Variants in NCKAP5 observed in about 807,000 individuals in gnomAD.
NCKAP5 encodes nck-associated protein 5.
Under a neutral mutation model 167.0 loss-of-function variants are expected in NCKAP5, and 92 were observed. The observed-to-expected ratio is 0.55, with a 90% CI of 0.47 to 0.66. NCKAP5 has a LOEUF of 0.66. Ranked by LOEUF, NCKAP5 falls within the 30% of genes least tolerant of loss-of-function variation. The pLI, the probability that NCKAP5 is intolerant of heterozygous loss-of-function variation, is 0.00. For missense variants in NCKAP5, 2,378 were observed against 2,315.0 expected (o/e 1.03, Z -0.56); for synonymous variants, 891 against 877.4 (o/e 1.02, Z -0.27).
chr2:132,795,430 T>C (rs1263555988), intron 12 of NCKAP5, among the ~76,000 whole-genome samples: 1 of 152,244 alleles, frequency 6.6e-6, no homozygotes, highest in Non-Finnish European at 1.5e-5. Context: ...TTCCTCATTG[T>C]TTATTTTAGA....
Position 132,874,743 on chromosome 2 carries a change from G to A in NCKAP5, c.648+4105C>T, listed in dbSNP as rs182940790. Among the ~76,000 whole-genome samples the A allele has an allele frequency of 3.5e-3, 535 of 152,152 alleles. 3 individuals carry two copies. Among genetic ancestry groups the A allele is most frequent in the African/African-American group, 0.012 (509 of 41,496 alleles). On this transcript the variant is annotated intron_variant, in intron 9 of 19. Coordinates refer to ENST00000409261, the MANE Select transcript of NCKAP5 (RefSeq NM_207363.3). ...AACTTTTCGTGCAGAAGCTCCTCCTGGAATGTTTGTGAAAATTGCCAATTT... is the reference window on the plus strand; with the variant it reads ...AACTTTTCGTGCAGAAGCTCCTCCTAGAATGTTTGTGAAAATTGCCAATTT...
intron 6 of NCKAP5, among the ~76,000 whole-genome samples, chr2:133,112,017 G>C (rs1337186084): frequency 6.6e-6 from 1 of 152,180 alleles, no homozygotes; most frequent in Non-Finnish European, 1.5e-5. Context: ...AAATCCAGCT[G>C]GGAGACAGAA....
At chr2:132,955,296 T>C (rs2076305761) in intron 8 of NCKAP5, among the ~76,000 whole-genome samples, 2 of 152,292 alleles carry the variant, frequency 1.3e-5, no homozygotes, top group Middle Eastern at 3.4e-3. Context: ...ATGAAGCCAC[T>C]GAAGAGCACT....
chr2:133,035,510 T>A (rs1203566461), intron 6 of NCKAP5, among the ~76,000 whole-genome samples: 3 of 151,990 alleles, frequency 2.0e-5, no homozygotes, highest in Non-Finnish European at 2.9e-5. Context: ...ATATGTTACG[T>A]AACAAAACAA....
At chr2:132,889,928 G>A (rs979635104) in intron 8 of NCKAP5, among the ~76,000 whole-genome samples, 1 of 152,150 alleles carries the variant, frequency 6.6e-6, no homozygotes, top group Non-Finnish European at 1.5e-5. Flanking sequence ...GAAAGAAGGT[G>A]GAAAGAAGAT....
At chr2:133,534,714 T>C (rs1685625037) in intron 2 of NCKAP5, among the ~76,000 whole-genome samples, 1 of 152,222 alleles carries the variant, frequency 6.6e-6, no homozygotes, top group Non-Finnish European at 1.5e-5. Context: ...GGGTATACCA[T>C]ATTTTATTTA....
chr2:133,003,484 C>T (rs1399744542), intron 6 of NCKAP5, among the ~76,000 whole-genome samples: 1 of 152,144 alleles, frequency 6.6e-6, no homozygotes, highest in Non-Finnish European at 1.5e-5. Context: ...GAATTTCCTC[C>T]CTTAGAAGCT....
In NCKAP5 at chr2:133,282,628, G is replaced by T. The variant is rs141689950; in HGVS notation, c.143+20409C>A. Among the ~76,000 whole-genome samples the T allele has an allele frequency of 1.8e-4, 27 of 152,312 alleles. No homozygotes were observed. In the East Asian group the frequency reaches 5.0e-3, roughly 28 times the overall value. On this transcript the variant is annotated intron_variant, in intron 4 of 19. Coordinates refer to ENST00000409261, the MANE Select transcript of NCKAP5 (RefSeq NM_207363.3). Reference sequence around the variant, plus strand: ...ATGGATGCAATCAGTGGAAGATGCTGAATAGGGCTATCATATAGCATGCAT... The same window carrying T: ...ATGGATGCAATCAGTGGAAGATGCTTAATAGGGCTATCATATAGCATGCAT...
chr2:133,343,726 G>T (rs556900602), intron 3 of NCKAP5, among the ~76,000 whole-genome samples: 1 of 152,156 alleles, frequency 6.6e-6, no homozygotes, highest in Non-Finnish European at 1.5e-5. Context: ...CTGTACTCAC[G>T]GAGGTTAAAT....
At chr2:132,870,277 T>C (rs1690703631) in intron 9 of NCKAP5, among the ~76,000 whole-genome samples, 1 of 152,216 alleles carries the variant, frequency 6.6e-6, no homozygotes, top group African/African-American at 2.4e-5. Context: ...ACTTCACTAT[T>C]ACCTTGAAGC....
intron 16 of NCKAP5, among the ~76,000 whole-genome samples, chr2:132,762,460 C>T (rs1255513504): frequency 1.3e-5 from 2 of 152,128 alleles, no homozygotes; most frequent in South Asian, 2.1e-4. Flanking sequence ...TGCACAAAAT[C>T]GGGTCTCTGT....
chr2:133,046,223 C>T (rs1021761902), intron 6 of NCKAP5, among the ~76,000 whole-genome samples: 74 of 152,296 alleles, frequency 4.9e-4, no homozygotes, highest in African/African-American at 1.7e-3. Context: ...AGTCTTCATA[C>T]AACATGCACA....
chr2:133,515,092 A>G (rs1683871169), intron 3 of NCKAP5, among the ~76,000 whole-genome samples: 1 of 152,122 alleles, frequency 6.6e-6, no homozygotes, highest in African/African-American at 2.4e-5. Flanking sequence ...GCTGAAGAAG[A>G]GGGCAACATC....
the NCKAP5 span, among the ~76,000 whole-genome samples, chr2:133,633,047 A>T: frequency 6.6e-6 from 1 of 152,190 alleles, no homozygotes; most frequent in Non-Finnish European, 1.5e-5. Flanking sequence ...TGAGTCCCCA[A>T]ATCCTCATAG....
chr2:133,285,042 C>T (rs2090058467), intron 4 of NCKAP5, among the ~76,000 whole-genome samples: 1 of 152,124 alleles, frequency 6.6e-6, no homozygotes, highest in Non-Finnish European at 1.5e-5. Context: ...GTGTCAGAAA[C>T]CCTCTATCAT....
At chr2:133,246,062 C>A (rs756772375) in intron 4 of NCKAP5, among the ~76,000 whole-genome samples, 1 of 151,950 alleles carries the variant, frequency 6.6e-6, no homozygotes, top group African/African-American at 2.4e-5. Flanking sequence ...ATGGAAGAGA[C>A]GAATGTGACC....
At chr2:133,427,048 G>A (rs1274138656) in intron 3 of NCKAP5, among the ~76,000 whole-genome samples, 1 of 152,112 alleles carries the variant, frequency 6.6e-6, no homozygotes, top group African/African-American at 2.4e-5. Context: ...AATGCAGTAG[G>A]GAGAGCCATG....
At chr2:133,250,340 G>A (rs1031591318) in intron 4 of NCKAP5, among the ~76,000 whole-genome samples, 3 of 152,144 alleles carry the variant, frequency 2.0e-5, no homozygotes, top group African/African-American at 4.8e-5. Context: ...ATTTCCTATG[G>A]GTTGGAGCCC....
At chr2:132,872,403 G>A (rs1015629613) in intron 9 of NCKAP5, among the ~76,000 whole-genome samples, 2 of 152,320 alleles carry the variant, frequency 1.3e-5, no homozygotes, top group African/African-American at 2.4e-5. Flanking sequence ...TCCAGGGCTC[G>A]TGATTCCTCC....
Sources: allele counts gnomAD v4.1 joint callset (sites outside exome capture counted in the v4.1 genomes callset), GRCh38; gene constraint gnomAD v4.1.1; transcripts MANE v1.5; gene names NCBI Gene and HGNC (gene_info 2026-07-23, HGNC 2026-07-21).